The following LHFPL3 variants were observed in gnomAD, a reference collection of about 807,000 sequenced individuals.
LHFPL3 encodes the protein LHFPL tetraspan subfamily member 3 protein.
A neutral mutation model predicts 19.3 loss-of-function variants in LHFPL3; 5 were observed. The ratio of observed to expected loss-of-function variants is 0.26; its 90% confidence interval spans 0.14 to 0.54. The LOEUF is 0.54. Ranked by LOEUF, LHFPL3 falls within the 20% of genes least tolerant of loss-of-function variation. The probability of loss-of-function intolerance (pLI) is 0.94; values close to 1 mark genes in which losing one functional copy is unlikely to be tolerated. For synonymous variants in LHFPL3, 133 were observed against 126.2 expected (o/e 1.05, Z -0.36); for missense variants, 249 against 307.4 (o/e 0.81, Z 1.42).
intron 1 of LHFPL3, among the ~76,000 whole-genome samples, chr7:104,673,579 G>A (rs966112568): frequency 6.6e-6 from 1 of 152,202 alleles, no homozygotes; most frequent in East Asian, 1.9e-4. Flanking sequence ...CAAAAGCAGT[G>A]TGCATTAGAC....
At chr7:104,629,654 C>T (rs1791605727) in intron 1 of LHFPL3, among the ~76,000 whole-genome samples, 1 of 152,198 alleles carries the variant, frequency 6.6e-6, no homozygotes, top group South Asian at 2.1e-4. Context: ...CAGCTCACTG[C>T]TCATGATGCA....
chr7:104,338,365 CT>C (rs1789879154), intron 1 of LHFPL3, among the ~76,000 whole-genome samples: 1 of 152,078 alleles, frequency 6.6e-6, no homozygotes, highest in South Asian at 2.1e-4. Context: ...TCCCAAAGTG[CT>C]GGGATTGCAG....
intron 1 of LHFPL3, among the ~76,000 whole-genome samples, chr7:104,593,870 G>GCTT (rs150672629): frequency 0.13 from 19,117 of 151,868 alleles, 1,281 homozygotes; most frequent in Non-Finnish European, 0.14. Flanking sequence ...TGCGACCCCT[G>GCTT]CTTTTTTTTT....
chr7:104,696,006 A>C (rs1485599652), intron 1 of LHFPL3, among the ~76,000 whole-genome samples: 1 of 152,168 alleles, frequency 6.6e-6, no homozygotes, highest in East Asian at 1.9e-4. Context: ...ACTGGAGTGC[A>C]GTGGCACGAT....
intron 2 of LHFPL3, among the ~76,000 whole-genome samples, chr7:104,888,987 T>G (rs754831979): frequency 6.6e-6 from 1 of 151,848 alleles, no homozygotes; most frequent in Non-Finnish European, 1.5e-5. Flanking sequence ...GAGAGATGAG[T>G]TGAATCTGAC....
chr7:104,655,732 C>T (rs1792109941), intron 1 of LHFPL3, among the ~76,000 whole-genome samples: 1 of 152,200 alleles, frequency 6.6e-6, no homozygotes, highest in Non-Finnish European at 1.5e-5. Flanking sequence ...TGTCTCCTAC[C>T]TCTTATCTTC....
chr7:104,508,194 C>G (rs1472474442), intron 1 of LHFPL3, among the ~76,000 whole-genome samples: 78 of 152,136 alleles, frequency 5.1e-4, no homozygotes, highest in East Asian at 9.7e-4. Flanking sequence ...CGATCGCAAA[C>G]ACTTGGAACC....
chr7:104,706,670 A>G (rs1420697020), intron 1 of LHFPL3, among the ~76,000 whole-genome samples: 2 of 152,192 alleles, frequency 1.3e-5, no homozygotes, highest in Non-Finnish European at 1.5e-5. Flanking sequence ...GGTATTAACT[A>G]TTCACTGGAA....
chr7:104,535,694 G>A (rs1794377363), intron 1 of LHFPL3, among the ~76,000 whole-genome samples: 1 of 152,206 alleles, frequency 6.6e-6, no homozygotes, highest in Admixed American at 6.5e-5. Flanking sequence ...CGTGGAGGAT[G>A]TGCATACAGA....
chr7:104,582,582 A>G (rs1790480140), intron 1 of LHFPL3, among the ~76,000 whole-genome samples: 1 of 152,036 alleles, frequency 6.6e-6, no homozygotes, highest in Non-Finnish European at 1.5e-5. Context: ...CATTGGATAT[A>G]ATGTTAGGTA....
chr7:104,359,172 A>G (rs147684833), intron 1 of LHFPL3, among the ~76,000 whole-genome samples: 2 of 152,318 alleles, frequency 1.3e-5, no homozygotes, highest in African/African-American at 4.8e-5. Flanking sequence ...CACACGTTGC[A>G]TATTTATTGC....
intron 1 of LHFPL3, among the ~76,000 whole-genome samples, chr7:104,520,785 G>A (rs1422709551): frequency 5.1e-5 from 7 of 136,576 alleles, no homozygotes; most frequent in African/African-American, 1.9e-4. Flanking sequence ...TGTGGGATCG[G>A]TGGTGATATC....
At chr7:104,412,258 T>C (rs1791548139) in intron 1 of LHFPL3, among the ~76,000 whole-genome samples, 1 of 152,140 alleles carries the variant, frequency 6.6e-6, no homozygotes, top group African/African-American at 2.4e-5. Context: ...TCTCCATTTT[T>C]CAGATGAGGA....
chr7:104,663,648 A>C (rs752153504), intron 1 of LHFPL3, among the ~76,000 whole-genome samples: 11 of 152,208 alleles, frequency 7.2e-5, no homozygotes, highest in Non-Finnish European at 1.2e-4. Context: ...ATATGCCAAA[A>C]CTTTTCAGGT....
chr7:104,845,227 T>G lies in LHFPL3; in HGVS notation c.683-60960T>G, dbSNP rs544125689. Among the ~76,000 whole-genome samples, 3 of 152,332 alleles carry G rather than the reference T, an allele frequency of 2.0e-5. No homozygotes were observed. The Middle Eastern group carries it at 0.01, about 518-fold the overall frequency. ...GCAGTCTGGCTCTCAGGACTGTGAT[T>G]TTCCTCAAGTATGTGCAGAGAATCA... On this transcript the variant is annotated intron_variant, in intron 2 of 2. Transcript: ENST00000424859.
At chr7:104,755,270 A>G (rs1794260638) in intron 2 of LHFPL3, among the ~76,000 whole-genome samples, 1 of 147,984 alleles carries the variant, frequency 6.8e-6, no homozygotes, top group African/African-American at 2.5e-5. Flanking sequence ...ATTTGCTAAC[A>G]TCCCATCAGC....
chr7:104,646,860 T>A (rs1339181968), intron 1 of LHFPL3, among the ~76,000 whole-genome samples: 1 of 152,168 alleles, frequency 6.6e-6, no homozygotes, highest in Non-Finnish European at 1.5e-5. Context: ...AGATTCTGGG[T>A]TTAAGTGCTG....
intron 2 of LHFPL3, among the ~76,000 whole-genome samples, chr7:104,841,481 T>A (rs1386726891): frequency 8.2e-6 from 1 of 121,904 alleles, no homozygotes; most frequent in East Asian, 2.2e-4. Flanking sequence ...TGTATTACGA[T>A]GCATTATGTG....
At chr7:104,402,675 G>A (rs1270615253) in intron 1 of LHFPL3, among the ~76,000 whole-genome samples, 1 of 152,198 alleles carries the variant, frequency 6.6e-6, no homozygotes, top group African/African-American at 2.4e-5. Context: ...CAGGGCCAGG[G>A]CCTCTCCCCA....
Sources: allele counts gnomAD v4.1 joint callset (sites outside exome capture counted in the v4.1 genomes callset), GRCh38; gene constraint gnomAD v4.1.1; transcripts MANE v1.5; gene names NCBI Gene and HGNC (gene_info 2026-07-23, HGNC 2026-07-21).